Variants in DPY19L2 observed in about 807,000 individuals in gnomAD.
DPY19L2 encodes probable C-mannosyltransferase DPY19L2.
DPY19L2 carries 34 observed loss-of-function variants against 97.9 expected under a neutral mutation model. The observed-to-expected ratio is 0.35, with a 90% CI of 0.26 to 0.46. The LOEUF is 0.46. Ranked by LOEUF, DPY19L2 falls within the 20% of genes least tolerant of loss-of-function variation. The probability of loss-of-function intolerance (pLI) is 1.00; values close to 1 mark genes in which losing one functional copy is unlikely to be tolerated. For synonymous variants in DPY19L2, 230 were observed against 307.9 expected (o/e 0.75, Z 2.65); for missense variants, 623 against 911.4 (o/e 0.68, Z 4.07).
chr12:63,641,151 G>C (rs200092685), intron 6 of DPY19L2, among the ~76,000 whole-genome samples: 1 of 151,942 alleles, frequency 6.6e-6, no homozygotes, highest in East Asian at 1.9e-4. Flanking sequence ...TGATCTGCCC[G>C]CCTCGGCCTC....
chr12:63,600,191 C>T, intron 13 of DPY19L2, 115 bp downstream of exon 13: 2 of 819,894 alleles, frequency 2.4e-6, no homozygotes, highest in Admixed American at 2.2e-5. Context: ...GTCTAGAGAC[C>T]TTAGAGAAGG....
At chr12:63,632,510 G>C (rs1282980775) in intron 6 of DPY19L2, among the ~76,000 whole-genome samples, 2 of 152,126 alleles carry the variant, frequency 1.3e-5, no homozygotes, top group Middle Eastern at 3.2e-3. Flanking sequence ...ACTTACAAGG[G>C]ATGTGAAGGA....
Position 63,597,810 on chromosome 12 carries a change from G to A in DPY19L2, c.1460C>T (p.Ala487Val), listed in dbSNP as rs746978273. ...GAAGGAAAAAAGAAACATTCATACCGCTTTTTCCATGAAGTCAAATTCGGG... is the reference window on the plus strand; with the variant it reads ...GAAGGAAAAAAGAAACATTCATACCACTTTTTCCATGAAGTCAAATTCGGG... ...CAPEFDFMEKATPLRYTKTLL... is the reference protein window; with the variant it reads ...CAPEFDFMEKVTPLRYTKTLL... Residue 487 changes from alanine to valine, a missense_variant and splice_region_variant, in exon 14 of 22, where the codon GCG (alanine) becomes GTG (valine). Around this residue, in one of 6 missense-constraint regions of DPY19L2, gnomAD observed 294 missense variants for 446.2 expected, o/e 0.66. Coordinates refer to ENST00000324472, the MANE Select transcript of DPY19L2 (RefSeq NM_173812.5). The A allele has an allele frequency of 1.9e-5, 31 of 1,603,140 alleles. No individual in the cohort carries two copies. The highest frequency in any genetic ancestry group is 2.5e-5 in the Non-Finnish European group (29 of 1,174,098).
In DPY19L2 at chr12:63,595,984, T is replaced by C; in HGVS notation, c.1515A>G (p.Thr505=). ...TLLLPVVMVI[T]CFIFKKTVRD... Reference sequence around the variant, plus strand: ...AAAATACCTTTTTAAAGATAAAACATGTAATCACCATAACAACTGGAAGCA... The same window carrying C: ...AAAATACCTTTTTAAAGATAAAACACGTAATCACCATAACAACTGGAAGCA... Residue 505 remains threonine, a synonymous_variant, in exon 15 of 22, where the codon ACA becomes ACG. Transcript: ENST00000324472. 1.3e-6 allele frequency: 2 copies of C among 1,595,684 alleles called. No individual in the cohort carries two copies. The highest frequency in any genetic ancestry group is 1.7e-6 in the Non-Finnish European group (2 of 1,170,514).
intron 21 of DPY19L2, among the ~76,000 whole-genome samples, chr12:63,568,152 CTT>C (rs1878118673): frequency 6.6e-6 from 1 of 151,812 alleles, no homozygotes. Flanking sequence ...AGGTCTGTGA[CTT>C]TGGTTATTTT....
chr12:63,617,562 C>A (rs1888056963), intron 10 of DPY19L2, among the ~76,000 whole-genome samples, 172 bp from the exon 11 acceptor site: 1 of 152,110 alleles, frequency 6.6e-6, no homozygotes, highest in East Asian at 1.9e-4. Context: ...TATTAAAATT[C>A]AAGACCATAA....
intron 6 of DPY19L2, among the ~76,000 whole-genome samples, chr12:63,635,086 C>G (rs1891417987): frequency 6.6e-6 from 1 of 152,174 alleles, no homozygotes; most frequent in African/African-American, 2.4e-5. Flanking sequence ...GACAAAACTT[C>G]CAGAGGAATG....
In DPY19L2 at chr12:63,653,057, G is replaced by T. The variant is rs541762850; in HGVS notation, c.589-5692C>A. 2.0e-5 allele frequency among the ~76,000 whole-genome samples: 3 copies of T among 151,784 alleles called. No homozygotes were observed. In the East Asian group the frequency reaches 5.8e-4, roughly 29 times the overall value. On this transcript the variant is annotated intron_variant, in intron 4 of 21. Coordinates refer to ENST00000324472, the MANE Select transcript of DPY19L2 (RefSeq NM_173812.5). ...TAATGGATGGCGCAAGAGGAGAATGGCAGAGATAGAAGAAAATAACCAGTA... is the reference window on the plus strand; with the variant it reads ...TAATGGATGGCGCAAGAGGAGAATGTCAGAGATAGAAGAAAATAACCAGTA...
intron 6 of DPY19L2, among the ~76,000 whole-genome samples, chr12:63,640,627 A>T (rs1892549732): frequency 6.6e-6 from 1 of 152,124 alleles, no homozygotes; most frequent in African/African-American, 2.4e-5. Context: ...ATATCCTCAC[A>T]GTTTTGATGA....
chr12:63,603,500 C>A (rs901648378), intron 12 of DPY19L2, among the ~76,000 whole-genome samples: 3 of 152,150 alleles, frequency 2.0e-5, no homozygotes, highest in South Asian at 2.1e-4. Flanking sequence ...TCATTAGCTA[C>A]TTTTCCTGAT....
intron 16 of DPY19L2, among the ~76,000 whole-genome samples, chr12:63,589,357 C>CAAAAAAAAAAAAAAAAAAAAA (rs71086687): frequency 5.3e-5 from 1 of 18,992 alleles, no homozygotes; most frequent in Non-Finnish European, 1.1e-4. Context: ...AAATGTGTTG[C>CAAAAAAAAAAAAAAAAAAAAA]AAAAAAAAAA....
chr12:63,628,428 C>A (rs577284411), intron 6 of DPY19L2, among the ~76,000 whole-genome samples: 41 of 152,290 alleles, frequency 2.7e-4, no homozygotes, highest in Admixed American at 1.3e-3. Flanking sequence ...TATCACACAC[C>A]TGGCTCGGAG....
At chr12:63,625,474 A>T (rs1462789652) in intron 7 of DPY19L2, among the ~76,000 whole-genome samples, 1 of 152,118 alleles carries the variant, frequency 6.6e-6, no homozygotes. Flanking sequence ...AAGAGCTAGT[A>T]GTCAGAATCT....
At chr12:63,659,073 T>A (rs1895340627) in intron 4 of DPY19L2, among the ~76,000 whole-genome samples, 1 of 152,102 alleles carries the variant, frequency 6.6e-6, no homozygotes, top group Admixed American at 6.5e-5. Flanking sequence ...AATAAAGCTG[T>A]TTAAAAACAT....
rs1333164971 is a variant in DPY19L2, at chr12:63,600,293, A to G, written c.1359+13T>C. On this transcript the variant is annotated intron_variant, in intron 13 of 21. Transcript: ENST00000324472. ...TTATAAGAACTTTCATGTTTTAACT[A>G]AAAAGTACTTACGTGGTCTGAAACG... 3 of 1,595,648 alleles carry G rather than the reference A, an allele frequency of 1.9e-6. No homozygotes were observed. Among genetic ancestry groups the G allele is most frequent in the South Asian group, 1.1e-5 (1 of 90,458 alleles).
intron 18 of DPY19L2, among the ~76,000 whole-genome samples, chr12:63,581,124 G>A (rs920788526): frequency 2.0e-5 from 3 of 152,148 alleles, no homozygotes; most frequent in African/African-American, 7.2e-5. Flanking sequence ...AATCACAACT[G>A]TGAAACATCT....
chr12:63,606,026 A>C (rs1885986379), intron 12 of DPY19L2, among the ~76,000 whole-genome samples: 1 of 152,122 alleles, frequency 6.6e-6, no homozygotes, highest in African/African-American at 2.4e-5. Flanking sequence ...ATTCATTCAG[A>C]TCCTATGCAT....
chr12:63,623,173 G>GT (rs1565784744), intron 8 of DPY19L2, among the ~76,000 whole-genome samples: 1 of 150,742 alleles, frequency 6.6e-6, no homozygotes, highest in African/African-American at 2.4e-5. Context: ...CACTTATGGG[G>GT]TTTTTTGTTC....
intron 16 of DPY19L2, among the ~76,000 whole-genome samples, chr12:63,588,903 A>G (rs1236357503): frequency 5.9e-5 from 9 of 151,852 alleles, no homozygotes; most frequent in Middle Eastern, 6.8e-3. Flanking sequence ...ACAGGCGCCC[A>G]CCACGATGCC....
Sources: allele counts gnomAD v4.1 joint callset (sites outside exome capture counted in the v4.1 genomes callset), GRCh38; gene constraint gnomAD v4.1.1; regional missense constraint gnomAD v4.1.1; transcripts MANE v1.5; gene names NCBI Gene and HGNC (gene_info 2026-07-23, HGNC 2026-07-21).